Variants in C4BPB observed in about 807,000 individuals in gnomAD.
C4BPB encodes C4b-binding protein beta chain.
Under a neutral mutation model 26.6 loss-of-function variants are expected in C4BPB, and 19 were observed. The observed-to-expected ratio is 0.71, with a 90% CI of 0.50 to 1.05. C4BPB has a LOEUF of 1.05. Ranked by LOEUF, C4BPB falls within the 50% of genes least tolerant of loss-of-function variation. The pLI is 0.00. For missense variants in C4BPB, 282 were observed against 302.9 expected, an observed-to-expected ratio of 0.93 and a Z score of 0.51; for synonymous variants, 118 against 103.5, an observed-to-expected ratio of 1.14 and a Z score of -0.85.
Position 207,091,789 on chromosome 1 carries a change from C to G in C4BPB, c.378C>G (p.Thr126=), listed in dbSNP as rs369264157. 5.0e-6 allele frequency: 8 copies of G among 1,613,724 alleles called. No homozygotes were observed. The African/African-American group carries it at 1.1e-4, about 22-fold the overall frequency. ...GGAGCCAGTGTCTAGAGGACCACAC[C>G]TGGGCACCTCCCTTTCCCATCTGCA... ...SNRSQCLEDH[T]WAPPFPICKS... The change falls in exon 4 of 7, where the codon ACC becomes ACG. Residue 126 remains threonine, a synonymous_variant. Coordinates refer to ENST00000367078, the MANE Select transcript of C4BPB (RefSeq NM_001017365.3).
chr1:207,089,340 A>C, intron 1 of C4BPB, 142 bp from the exon 2 acceptor site: 1 of 545,310 alleles, frequency 1.8e-6, no homozygotes, highest in Non-Finnish European at 3.3e-6. Flanking sequence ...CAGCTTCCTT[A>C]CAGCTGTTCT....
At chr1:207,092,815 C>T (rs184088365) in intron 4 of C4BPB, among the ~76,000 whole-genome samples, 3 of 151,810 alleles carry the variant, frequency 2.0e-5, no homozygotes, top group Admixed American at 1.3e-4. Flanking sequence ...TTAGTAGAGA[C>T]GGGGTTTCAC....
At chr1:207,092,826 C>T (rs1684089012) in intron 4 of C4BPB, among the ~76,000 whole-genome samples, 1 of 151,926 alleles carries the variant, frequency 6.6e-6, no homozygotes, top group African/African-American at 2.4e-5. Flanking sequence ...GGGGTTTCAC[C>T]ATCTTGGCCA....
chr1:207,091,657 T>C lies in C4BPB; in HGVS notation c.246T>C (p.Pro82=). Reference sequence around the variant, plus strand: ...TTTCTTCTTCAGTGGGCCACTGTCCTGATCCTGTGCTGGTGAATGGAGAGT... The same window carrying C: ...TTTCTTCTTCAGTGGGCCACTGTCCCGATCCTGTGCTGGTGAATGGAGAGT... The part of the protein sequence containing the change: ...TTTECRLGHC[P]DPVLVNGEFS... Residue 82 remains proline (P), a synonymous_variant, in exon 4 of 7, where the codon CCT becomes CCC. Coordinates refer to ENST00000367078, the MANE Select transcript of C4BPB (RefSeq NM_001017365.3). 2 of 1,613,716 alleles carry C rather than the reference T, an allele frequency of 1.2e-6. No homozygotes were observed. The highest frequency in any genetic ancestry group is 1.7e-6 in the Non-Finnish European group (2 of 1,179,852).
intron 6 of C4BPB, 68 bp from the exon 7 acceptor site, chr1:207,099,721 T>G (rs1572765056): frequency 7.2e-7 from 1 of 1,382,066 alleles, no homozygotes; most frequent in East Asian, 2.4e-5. Flanking sequence ...TGCTGCTCAC[T>G]GGCTTCAGAG....
chr1:207,098,167 T>G lies in C4BPB; in HGVS notation c.521T>G (p.Val174Gly), dbSNP rs1684333832. 6.2e-7 allele frequency: 1 copy of G among 1,613,794 alleles called. No individual in the cohort carries two copies. Among genetic ancestry groups the G allele is most frequent in the Admixed American group, 1.7e-5 (1 of 59,994 alleles). ...CTGTTCAGGTACTACTTAGTGGGCGTGCAGGAGCAGCAATGCGTTGATGGG... is the reference window on the plus strand; with the variant it reads ...CTGTTCAGGTACTACTTAGTGGGCGGGCAGGAGCAGCAATGCGTTGATGGG... ...YCEDRYYLVG[V>G]QEQQCVDGEW... The change falls in exon 6 of 7, where the codon GTG (valine) becomes GGG (glycine). Residue 174 changes from valine (V) to glycine (G), a missense_variant. By Grantham distance (109) the Val-to-Gly change is moderately radical. Transcript: ENST00000367078.
At chr1:207,091,961 A>C (rs1684045043) in intron 4 of C4BPB, 141 bp downstream of exon 4, 1 of 684,948 alleles carries the variant, frequency 1.5e-6, no homozygotes. Context: ...CCATGAAACA[A>C]GTGGAGCTCA....
rs200403210 is a variant in C4BPB at position 207,099,828 on chromosome 1, G to A, written c.658G>A (p.Glu220Lys). Residue 220 changes from glutamate (E) to lysine (K), a missense_variant, in exon 7 of 7, where the codon GAG (glutamate) becomes AAG (lysine). Physicochemically the swap from Glu to Lys is moderately conservative, Grantham distance 56. Transcript: ENST00000367078. ...GAGTAAGAACCTCTGCGAAGCCATG[G>A]AGAACTTTATGCAACAATTAAAGGA... ...QESKNLCEAM[E>K]NFMQQLKESG... 7.9e-4 allele frequency: 1,273 copies of A among 1,613,946 alleles called. 22 individuals are homozygous for A. The South Asian group carries it at 0.012, about 15-fold the overall frequency.
At chr1:207,095,764 A>C (rs866535600) in intron 4 of C4BPB, 21 of 311,842 alleles carry the variant, frequency 6.7e-5, no homozygotes, top group African/African-American at 4.4e-4. Flanking sequence ...TGGATTTCTC[A>C]TGAATGGTCT....
At chr1:207,095,227 C>G in intron 4 of C4BPB, 1 of 453,486 alleles carries the variant, frequency 2.2e-6, no homozygotes, top group Non-Finnish European at 4.4e-6. Flanking sequence ...TGCTACATAG[C>G]TAGTGGAAGA....
At chr1:207,094,843 T>C (rs530100943) in intron 4 of C4BPB, 1 of 164,524 alleles carries the variant, frequency 6.1e-6, no homozygotes, top group South Asian at 1.5e-4. Flanking sequence ...TAATACACCT[T>C]TGTTGTAGAA....
rs751741243 is a variant in C4BPB at position 207,090,429 on chromosome 1, C to A, written c.180C>A (p.Thr60=). The A allele has an allele frequency of 1.9e-6, 3 of 1,613,978 alleles. No homozygotes were observed. The highest frequency in any genetic ancestry group is 2.5e-6 in the Non-Finnish European group (3 of 1,179,936). The change falls in exon 3 of 7, where the codon ACC becomes ACA. Residue 60 remains threonine, a synonymous_variant. Transcript: ENST00000367078. ...IKGYHLVGKK[T]LFCNASKEWD... ...GCTACCACCTGGTAGGAAAGAAGACCCTTTTTTGCAATGCCTCTAAGGAGT... is the reference window on the plus strand; with the variant it reads ...GCTACCACCTGGTAGGAAAGAAGACACTTTTTTGCAATGCCTCTAAGGAGT...
intron 6 of C4BPB, 143 bp downstream of exon 6, chr1:207,098,407 GA>G: frequency 1.7e-6 from 1 of 592,634 alleles, no homozygotes; most frequent in Non-Finnish European, 3.0e-6. Flanking sequence ...CTGTAGAAGG[GA>G]CTCATAAACT....
Position 207,096,598 on chromosome 1 carries a change from T to C in C4BPB, c.486T>C (p.Ser162=). Residue 162 remains serine (S), a synonymous_variant, in exon 5 of 7, where the codon AGT becomes AGC. Coordinates refer to ENST00000367078, the MANE Select transcript of C4BPB (RefSeq NM_001017365.3). The part of the protein sequence containing the change: ...GNNFTLGSTI[S]YYCEDRYYLV... Reference sequence around the variant, plus strand: ...ACTTCACCTTAGGATCCACCATTAGTTATTACTGTGAAGACAGGTAAGTGA... The same window carrying C: ...ACTTCACCTTAGGATCCACCATTAGCTATTACTGTGAAGACAGGTAAGTGA... 1 of 1,595,156 alleles carries C rather than the reference T, an allele frequency of 6.3e-7. No homozygotes were observed.
rs1346125488 is a variant in C4BPB, at chr1:207,089,517, GA to G, written c.-14del. Reference sequence around the variant, plus strand: ...TGGGTGAATTCCAGCCTGGGGAGAGGACTTTGATCACCAGATGTTTTTTTGG... The same window carrying G: ...TGGGTGAATTCCAGCCTGGGGAGAGGCTTTGATCACCAGATGTTTTTTTGG... On this transcript the variant is annotated 5_prime_UTR_variant, in exon 2 of 7. Coordinates refer to ENST00000367078, the MANE Select transcript of C4BPB (RefSeq NM_001017365.3). The G allele has an allele frequency of 6.2e-7, 1 of 1,613,580 alleles. No individual in the cohort carries two copies. The highest frequency in any genetic ancestry group is 1.3e-5 in the African/African-American group (1 of 74,856).
chr1:207,093,346 T>C (rs576143649), intron 4 of C4BPB, among the ~76,000 whole-genome samples: 5 of 152,310 alleles, frequency 3.3e-5, no homozygotes, highest in African/African-American at 1.2e-4. Context: ...AAATGATGAA[T>C]GATGTATACA....
intron 6 of C4BPB, among the ~76,000 whole-genome samples, chr1:207,098,879 G>A (rs1390845157): frequency 6.6e-6 from 1 of 152,020 alleles, no homozygotes; most frequent in East Asian, 1.9e-4. Flanking sequence ...TGGGAGTGAT[G>A]AGAGACAGTG....
intron 3 of C4BPB, among the ~76,000 whole-genome samples, chr1:207,091,107 TA>T (rs1214849112): frequency 6.6e-6 from 1 of 152,228 alleles, no homozygotes; most frequent in Middle Eastern, 3.2e-3. Context: ...TTATTACTAT[TA>T]TTTTTTAAAG....
At chr1:207,097,607 A>G (rs1239311251) in intron 5 of C4BPB, among the ~76,000 whole-genome samples, 1 of 152,132 alleles carries the variant, frequency 6.6e-6, no homozygotes, top group African/African-American at 2.4e-5. Context: ...GTGCAGAAAT[A>G]TAAAGACTTA....
Sources: gnomAD v4.1 joint callset for allele counts (sites outside exome capture counted in the v4.1 genomes callset) on GRCh38, gnomAD v4.1.1 for gene constraint, MANE v1.5 for transcripts, NCBI Gene and HGNC (gene_info 2026-07-23, HGNC 2026-07-21) for gene names.